The following LTBP1 variants were observed in gnomAD, a reference collection of about 807,000 sequenced individuals.
LTBP1 encodes the protein latent-transforming growth factor beta-binding protein 1.
Under a neutral mutation model 207.6 loss-of-function variants are expected in LTBP1, and 129 were observed. The ratio of observed to expected loss-of-function variants is 0.62; its 90% CI spans 0.54 to 0.72. The LOEUF is 0.72. Among genes scored for constraint, LTBP1 ranks in the 30% least tolerant of loss-of-function variants. The pLI is 0.00. For missense variants in LTBP1, 2,281 were observed against 2,217.2 expected (o/e 1.03, Z -0.58); for synonymous variants, 963 against 833.7 (o/e 1.16, Z -2.67).
At chr2:33,011,285 A>C (rs2149099805) in intron 2 of LTBP1, among the ~76,000 whole-genome samples, 1 of 152,252 alleles carries the variant, frequency 6.6e-6, no homozygotes, top group East Asian at 1.9e-4. Flanking sequence ...ATTGACTAGA[A>C]CATCCAGAAA....
intron 5 of LTBP1, among the ~76,000 whole-genome samples, chr2:33,160,523 A>G (rs984120977): frequency 1.3e-5 from 2 of 152,210 alleles, no homozygotes; most frequent in Non-Finnish European, 2.9e-5. Context: ...CAGATGAGGT[A>G]CCACATCTTC....
rs188929530 is a variant in LTBP1, at chr2:33,002,127, C to T, written c.566-18782C>T. ...CCCCTCATTTGTTGAAATGTTTTGA[C>T]CAGGCAAATGACTATAATTATTGTT... is the stretch of plus-strand genomic sequence containing the variant. On this transcript the variant is annotated intron_variant, in intron 2 of 33. Transcript: ENST00000404816. Among the ~76,000 whole-genome samples the T allele has an allele frequency of 1.0e-3, 91 of 90,278 alleles. 17 individuals carry two copies. Among genetic ancestry groups the T allele is most frequent in the African/African-American group, 3.0e-3 (88 of 29,220 alleles). The allele number at this position is 90,278 out of a possible 152,430, so 59.2% of individuals were successfully genotyped here. A position where few individuals can be genotyped will look rare whatever the true frequency, so the allele number is the denominator to read the frequency against.
chr2:33,317,957 C>A lies in LTBP1; in HGVS notation c.3730+2688C>A, dbSNP rs1436260930. 2.6e-5 allele frequency: 4 copies of A among 152,320 alleles called. No individual in the cohort carries two copies. The East Asian group carries it at 7.7e-4, about 29-fold the overall frequency. The allele number at this position is 152,320 out of a possible 1,614,324, so 9.4% of individuals were successfully genotyped here. ...ACCACTGGCTCCTTCCTTTCTCTTA[C>A]ATGTATAGATTGAGTATTCCTCATC... On this transcript the variant is annotated intron_variant, in intron 24 of 33. Transcript: ENST00000404816.
chr2:32,971,000 A>G (rs920299575), intron 2 of LTBP1, among the ~76,000 whole-genome samples: 1 of 99,574 alleles, frequency 1.0e-5, no homozygotes, highest in African/African-American at 3.7e-5. Flanking sequence ...ATTCCTAGGT[A>G]TTTGTGTGTG....
chr2:32,953,421 C>G (rs531135322), intron 2 of LTBP1, among the ~76,000 whole-genome samples: 1 of 152,190 alleles, frequency 6.6e-6, no homozygotes, highest in Non-Finnish European at 1.5e-5. Context: ...TGAGGTTTAC[C>G]ATGACAACTG....
chr2:33,069,207 C>T (rs192715293), intron 3 of LTBP1, among the ~76,000 whole-genome samples: 34 of 152,224 alleles, frequency 2.2e-4, no homozygotes, highest in Non-Finnish European at 2.1e-4. Flanking sequence ...GATGATGGCC[C>T]CACTCAAAGC....
chr2:32,971,931 G>A (rs1680940508), intron 2 of LTBP1, among the ~76,000 whole-genome samples: 1 of 152,074 alleles, frequency 6.6e-6, no homozygotes, highest in South Asian at 2.1e-4. Context: ...TCTGGTGTTG[G>A]ACTTTTTCTG....
At chr2:33,298,588 G>A (rs1194975000) in intron 20 of LTBP1, among the ~76,000 whole-genome samples, 4 of 152,202 alleles carry the variant, frequency 2.6e-5, no homozygotes, top group African/African-American at 7.2e-5. Flanking sequence ...AAAGAAAATA[G>A]TGACGTAGGC....
intron 24 of LTBP1, among the ~76,000 whole-genome samples, chr2:33,321,578 A>T (rs1451401760): frequency 2.0e-5 from 3 of 152,256 alleles, no homozygotes; most frequent in Admixed American, 2.0e-4. Context: ...AGCCGTGGAC[A>T]GTGCCCCAAG....
chr2:33,020,369 T>G (rs1414763569), intron 2 of LTBP1, among the ~76,000 whole-genome samples: 1 of 152,218 alleles, frequency 6.6e-6, no homozygotes, highest in Admixed American at 6.5e-5. Flanking sequence ...GGCAAAAAAT[T>G]TAGGCTTAAA....
chr2:33,389,887 C>G (rs2095300841), intron 32 of LTBP1, among the ~76,000 whole-genome samples: 1 of 152,180 alleles, frequency 6.6e-6, no homozygotes, highest in Non-Finnish European at 1.5e-5. Context: ...ATCCATCCAT[C>G]TTGGCCTCCC....
intron 3 of LTBP1, among the ~76,000 whole-genome samples, chr2:33,025,692 A>G (rs1452641269): frequency 3.3e-5 from 5 of 152,242 alleles, no homozygotes; most frequent in African/African-American, 4.8e-5. Context: ...AAGGAGGAGA[A>G]TCATGTTAAA....
intron 31 of LTBP1, among the ~76,000 whole-genome samples, chr2:33,388,912 A>G (rs965512718): frequency 6.6e-6 from 1 of 152,202 alleles, no homozygotes; most frequent in Non-Finnish European, 1.5e-5. Context: ...TCAGCCCTTT[A>G]CTGCTCTGGG....
chr2:33,123,209 C>T (rs550669506), intron 4 of LTBP1, among the ~76,000 whole-genome samples: 1 of 152,312 alleles, frequency 6.6e-6, no homozygotes, highest in East Asian at 1.9e-4. Context: ...TTACTAGGAC[C>T]TGATGGTATT....
chr2:33,036,023 A>T (rs1160669974), intron 3 of LTBP1, among the ~76,000 whole-genome samples: 1 of 152,028 alleles, frequency 6.6e-6, no homozygotes, highest in Non-Finnish European at 1.5e-5. Flanking sequence ...GTATATCTGG[A>T]TACTGTGCTG....
intron 3 of LTBP1, among the ~76,000 whole-genome samples, chr2:33,055,598 C>T (rs1351022255): frequency 6.6e-6 from 1 of 152,190 alleles, no homozygotes; most frequent in Non-Finnish European, 1.5e-5. Flanking sequence ...TCTTGGGCTG[C>T]AGCTAAAGCC....
chr2:33,255,770 G>A (rs1216661023), intron 11 of LTBP1, among the ~76,000 whole-genome samples: 6 of 152,142 alleles, frequency 3.9e-5, no homozygotes, highest in Admixed American at 2.0e-4. Flanking sequence ...AGTATTTTTA[G>A]AGTTTCCTTT....
chr2:33,305,323 C>G (rs7586227), intron 22 of LTBP1, among the ~76,000 whole-genome samples: 54,953 of 150,180 alleles, frequency 0.37, 10,722 homozygotes, highest in Admixed American at 0.42. Flanking sequence ...GACTATGTCT[C>G]AAAATATATA....
intron 3 of LTBP1, among the ~76,000 whole-genome samples, chr2:33,041,932 T>C (rs748342091): frequency 2.1e-4 from 32 of 152,244 alleles, no homozygotes; most frequent in Non-Finnish European, 4.0e-4. Flanking sequence ...AACTGTTTGC[T>C]ATAGTGACTA....
Sources: gnomAD v4.1 joint callset for allele counts (sites outside exome capture counted in the v4.1 genomes callset) on GRCh38, gnomAD v4.1.1 for gene constraint, MANE v1.5 for transcripts, NCBI Gene and HGNC (gene_info 2026-07-23, HGNC 2026-07-21) for gene names.